Variants in EPG5 observed in about 807,000 individuals in gnomAD.
The protein encoded by EPG5 is ectopic P granules protein 5 homolog.
Under a neutral mutation model 302.7 loss-of-function variants are expected in EPG5, and 159 were observed. The ratio of observed to expected loss-of-function variants is 0.53; its 90% CI spans 0.46 to 0.60. The LOEUF (loss-of-function observed/expected upper bound fraction) is 0.60, where lower values mean the gene tolerates loss of function less well. Ranked by LOEUF, EPG5 falls within the 20% of genes least tolerant of loss-of-function variation. The pLI, the probability that EPG5 is intolerant of heterozygous loss-of-function variation, is 0.00. For missense variants in EPG5, 2,896 were observed against 3,092.4 expected, an observed-to-expected ratio of 0.94 and a Z score of 1.51; for synonymous variants, 1,158 against 1,136.8, an observed-to-expected ratio of 1.02 and a Z score of -0.37.
the EPG5 span, among the ~76,000 whole-genome samples, chr18:45,827,548 C>T: frequency 6.6e-6 from 1 of 152,204 alleles, no homozygotes; most frequent in Admixed American, 6.5e-5. Flanking sequence ...GGTCTGAAGC[C>T]CACCTCTGCT....
chr18:45,807,765 C>A, the EPG5 span, among the ~76,000 whole-genome samples: 1 of 152,174 alleles, frequency 6.6e-6, no homozygotes, highest in African/African-American at 2.4e-5. Context: ...TCTGACAGAA[C>A]CTACCCAAAT....
the EPG5 span, among the ~76,000 whole-genome samples, chr18:45,834,594 C>T: frequency 3.3e-5 from 5 of 152,196 alleles, no homozygotes; most frequent in Admixed American, 1.3e-4. Flanking sequence ...CCCATCTTTA[C>T]GGCATCTGGC....
At position 45,847,850 on chromosome 18, in the gene EPG5, T is replaced by A. The variant is rs1323816138; in HGVS notation, c.*4617A>T. The A allele has an allele frequency of 6.6e-6, 1 of 152,262 alleles. No homozygotes were observed. Among genetic ancestry groups the A allele is most frequent in the Non-Finnish European group, 1.5e-5 (1 of 67,988 alleles). 9.4% of individuals were successfully genotyped at this position (152,262 alleles called of 1,614,324 possible). A position where few individuals can be genotyped will look rare whatever the true frequency, so the allele number is the denominator to read the frequency against. On this transcript the variant is annotated 3_prime_UTR_variant, in exon 44 of 44. Transcript: ENST00000282041. ...ACTTAAGTATGTGTCTCCACATAAG[T>A]GATTTTAAACTATTGAAAGAAAAAT... is the stretch of plus-strand genomic sequence containing the variant.
At chr18:45,893,420 C>T (rs1425624526) in intron 27 of EPG5, among the ~76,000 whole-genome samples, 3 of 152,002 alleles carry the variant, frequency 2.0e-5, no homozygotes, top group African/African-American at 7.3e-5. Context: ...CAAAAATTAG[C>T]TGGGCATGGT....
At chr18:45,800,754 A>C in the EPG5 span, among the ~76,000 whole-genome samples, 1 of 152,272 alleles carries the variant, frequency 6.6e-6, no homozygotes, top group African/African-American at 2.4e-5. Flanking sequence ...GGGGAATCAC[A>C]TGATGATCCT....
chr18:45,966,920 G>C (rs2051276545), intron 1 of EPG5, among the ~76,000 whole-genome samples: 1 of 152,192 alleles, frequency 6.6e-6, no homozygotes, highest in African/African-American at 2.4e-5. Context: ...CAAGAGAGCA[G>C]AAAAGGAAGA....
At chr18:45,893,429 G>C (rs2049395472) in intron 27 of EPG5, among the ~76,000 whole-genome samples, 1 of 152,020 alleles carries the variant, frequency 6.6e-6, no homozygotes, top group African/African-American at 2.4e-5. Flanking sequence ...GCTGGGCATG[G>C]TGTTGTGACC....
chr18:45,860,518 G>C (rs1298548081), intron 39 of EPG5, among the ~76,000 whole-genome samples, 172 bp from the exon 40 acceptor site: 5 of 152,254 alleles, frequency 3.3e-5, no homozygotes, highest in Admixed American at 3.3e-4. Flanking sequence ...GTTTGTACAG[G>C]TAGTATGCGG....
chr18:45,915,456 T>C (rs892827100), intron 20 of EPG5, 55 bp downstream of exon 20: 2 of 1,218,006 alleles, frequency 1.6e-6, no homozygotes, highest in Admixed American at 1.8e-5. Flanking sequence ...GTAAGGATGA[T>C]CATGAGATTA....
the EPG5 span, among the ~76,000 whole-genome samples, chr18:45,813,564 C>T: frequency 2.0e-5 from 3 of 152,192 alleles, no homozygotes; most frequent in African/African-American, 7.2e-5. Context: ...AGCACATATA[C>T]ACCATGGAAT....
chr18:45,828,530 G>A, the EPG5 span, among the ~76,000 whole-genome samples: 1 of 152,202 alleles, frequency 6.6e-6, no homozygotes, highest in Non-Finnish European at 1.5e-5. Context: ...CCTCAAGCCT[G>A]TGATAGGCAG....
At position 45,948,552 on chromosome 18, in the gene EPG5, CT is replaced by C; in HGVS notation, c.1521del (p.Val509SerfsTer11). 6.2e-7 allele frequency: 1 copy of C among 1,613,874 alleles called. No individual in the cohort carries two copies. Among genetic ancestry groups the C allele is most frequent in the Non-Finnish European group, 8.5e-7 (1 of 1,179,860 alleles). On this transcript the variant is annotated frameshift_variant, in exon 6 of 44. Transcript: ENST00000282041. LOFTEE classifies it high-confidence loss of function. Reference sequence around the variant, plus strand: ...AGGGATTGCATAAAATGAAAGACCCCTGATGGGTTATGCAACACTTTGATCT... The same window carrying C: ...AGGGATTGCATAAAATGAAAGACCCCGATGGGTTATGCAACACTTTGATCT... The part of the protein sequence containing the change: ...FIQIKVLHNP[S>X]GVFHFMQSLA...
At chr18:45,901,829 A>G (rs1298894249) in intron 25 of EPG5, among the ~76,000 whole-genome samples, 2 of 152,052 alleles carry the variant, frequency 1.3e-5, no homozygotes, top group African/African-American at 2.4e-5. Context: ...ACTTTGCCCT[A>G]GATTACACAT....
At chr18:45,813,960 T>G in the EPG5 span, among the ~76,000 whole-genome samples, 1 of 151,906 alleles carries the variant, frequency 6.6e-6, no homozygotes, top group Non-Finnish European at 1.5e-5. Flanking sequence ...AATTTAGAAA[T>G]TTGAAAAAAA....
At chr18:45,896,405 T>G (rs2049476194) in intron 27 of EPG5, among the ~76,000 whole-genome samples, 1 of 152,236 alleles carries the variant, frequency 6.6e-6, no homozygotes, top group African/African-American at 2.4e-5. Context: ...TAAGAAAACT[T>G]AAATATTTCT....
At chr18:45,899,278 C>T in intron 27 of EPG5, 126 bp downstream of exon 27, 1 of 1,145,170 alleles carries the variant, frequency 8.7e-7, no homozygotes, top group Non-Finnish European at 1.2e-6. Context: ...TCATGCCCTG[C>T]AAAACTAGTA....
intron 2 of EPG5, among the ~76,000 whole-genome samples, chr18:45,953,027 G>T (rs1011983638): frequency 2.6e-5 from 4 of 152,234 alleles, no homozygotes; most frequent in African/African-American, 9.6e-5. Flanking sequence ...ATAAAAATTA[G>T]CTGGGCATGG....
chr18:45,947,831 G>A (rs930275271), intron 6 of EPG5, among the ~76,000 whole-genome samples: 1 of 151,938 alleles, frequency 6.6e-6, no homozygotes, highest in East Asian at 1.9e-4. Context: ...GGAGTGCAGT[G>A]ACACGATCTC....
intron 27 of EPG5, among the ~76,000 whole-genome samples, chr18:45,895,691 G>T (rs528528515): frequency 6.6e-6 from 1 of 152,350 alleles, no homozygotes; most frequent in African/African-American, 2.4e-5. Flanking sequence ...ACAACAGAAA[G>T]ATGTTAAAAG....
Sources: gnomAD v4.1 joint callset for allele counts (sites outside exome capture counted in the v4.1 genomes callset) on GRCh38, gnomAD v4.1.1 for gene constraint, MANE v1.5 for transcripts, NCBI Gene and HGNC (gene_info 2026-07-23, HGNC 2026-07-21) for gene names.